MGAT4C: variants seen among roughly 807,000 people sequenced by gnomAD.
The protein encoded by MGAT4C is alpha-1,3-mannosyl-glycoprotein 4-beta-N-acetylglucosaminyltransferase C.
In MGAT4C, 19 loss-of-function variants were observed where a neutral mutation model predicts 40.1. The ratio of observed to expected loss-of-function variants is 0.47; its 90% CI spans 0.33 to 0.70. The LOEUF is 0.70. Ranked by LOEUF, MGAT4C falls within the 30% of genes least tolerant of loss-of-function variation. MGAT4C has a pLI of 0.02. For synonymous variants in MGAT4C, 181 were observed against 187.1 expected (o/e 0.97, Z 0.27); for missense variants, 491 against 563.2 (o/e 0.87, Z 1.30).
intron 1 of MGAT4C, among the ~76,000 whole-genome samples, chr12:86,164,247 A>G (rs771204228): frequency 2.0e-5 from 3 of 152,192 alleles, no homozygotes; most frequent in Non-Finnish European, 4.4e-5. Context: ...CTGAAGTTTA[A>G]TCTATGGGCT....
intron 2 of MGAT4C, among the ~76,000 whole-genome samples, chr12:86,469,085 A>G (rs751705085): frequency 6.6e-6 from 1 of 152,026 alleles, no homozygotes; most frequent in Non-Finnish European, 1.5e-5. Flanking sequence ...TCTTTGATGT[A>G]TCCTATGGCC....
chr12:86,672,682 T>A (rs1375162047), intron 2 of MGAT4C, among the ~76,000 whole-genome samples: 4 of 152,136 alleles, frequency 2.6e-5, no homozygotes, highest in African/African-American at 7.2e-5. Flanking sequence ...CTGCTTGTTC[T>A]CATGTATAAG....
Position 85,981,591 on chromosome 12 carries a change from A to G in MGAT4C, c.296-1161T>C, listed in dbSNP as rs1884609915. 1.3e-5 allele frequency among the ~76,000 whole-genome samples: 2 copies of G among 152,188 alleles called. 1 individual carries two copies. Among genetic ancestry groups the G allele is most frequent in the South Asian group, 4.1e-4 (2 of 4,828 alleles). ...CACCAAACTTCATTAATAATAGCCA[A>G]TGCTTATGGAATGCTGTCTACATAA... On this transcript the variant is annotated intron_variant, in intron 4 of 4. Transcript: ENST00000611864.
intron 4 of MGAT4C, among the ~76,000 whole-genome samples, chr12:86,281,095 T>C (rs1006861909): frequency 9.9e-5 from 15 of 152,076 alleles, no homozygotes; most frequent in Non-Finnish European, 2.1e-4. Flanking sequence ...TTTGGTTGCA[T>C]ACATTTTTGT....
chr12:86,502,877 A>C (rs1156369146), intron 2 of MGAT4C, among the ~76,000 whole-genome samples: 1 of 88,572 alleles, frequency 1.1e-5, no homozygotes, highest in Non-Finnish European at 2.1e-5. Context: ...ATATATATAT[A>C]TATGAGTTCT....
intron 1 of MGAT4C, among the ~76,000 whole-genome samples, chr12:86,054,654 T>C (rs1340772720): frequency 3.3e-5 from 5 of 151,894 alleles, no homozygotes; most frequent in Non-Finnish European, 5.9e-5. Flanking sequence ...TAAAACATCA[T>C]GTTTTACAAG....
intron 1 of MGAT4C, among the ~76,000 whole-genome samples, chr12:86,241,575 T>C (rs1013503902): frequency 6.6e-6 from 1 of 152,186 alleles, no homozygotes; most frequent in East Asian, 1.9e-4. Flanking sequence ...TCTGACATTT[T>C]TGTAGATTGG....
intron 2 of MGAT4C, among the ~76,000 whole-genome samples, chr12:86,010,203 G>A (rs2136814787): frequency 6.6e-6 from 1 of 152,270 alleles, no homozygotes; most frequent in East Asian, 1.9e-4. Flanking sequence ...GTAAGTCACA[G>A]ACTATTATTT....
chr12:86,263,157 G>A (rs1952695723), intron 4 of MGAT4C, among the ~76,000 whole-genome samples: 1 of 152,014 alleles, frequency 6.6e-6, no homozygotes, highest in Non-Finnish European at 1.5e-5. Context: ...GGTCTAGATT[G>A]GAAGAGCCAA....
chr12:86,433,565 C>CT (rs1348436158), intron 3 of MGAT4C, among the ~76,000 whole-genome samples: 2 of 151,788 alleles, frequency 1.3e-5, no homozygotes, highest in African/African-American at 2.4e-5. Context: ...TAGTTAATGA[C>CT]TTTTTTTCCC....
rs150284418 is a variant in MGAT4C, at chr12:86,198,524, G to T, written c.-57+57715C>A. Among the ~76,000 whole-genome samples, 533 of 151,858 alleles carry T rather than the reference G, an allele frequency of 3.5e-3. 3 individuals are homozygous for T. Among genetic ancestry groups the T allele is most frequent in the African/African-American group, 0.012 (511 of 41,388 alleles). On this transcript the variant is annotated intron_variant, in intron 1 of 4. Transcript: ENST00000611864. Reference sequence around the variant, plus strand: ...TGTTTTTCTCGCATTTTCATTGTTCGCATGCATAGAAATTGCTTCCTATTC... The same window carrying T: ...TGTTTTTCTCGCATTTTCATTGTTCTCATGCATAGAAATTGCTTCCTATTC...
At chr12:86,539,710 A>G (rs1959139242) in intron 2 of MGAT4C, among the ~76,000 whole-genome samples, 1 of 152,178 alleles carries the variant, frequency 6.6e-6, no homozygotes, top group Admixed American at 6.5e-5. Flanking sequence ...AATGATAGCC[A>G]TTCTAACTGG....
At chr12:86,541,610 T>G (rs548873500) in intron 2 of MGAT4C, among the ~76,000 whole-genome samples, 1 of 152,328 alleles carries the variant, frequency 6.6e-6, no homozygotes, top group East Asian at 1.9e-4. Context: ...AACTAAAGAA[T>G]TATGAAAAAC....
chr12:86,708,686 C>G (rs2136627703), intron 2 of MGAT4C, among the ~76,000 whole-genome samples: 1 of 152,298 alleles, frequency 6.6e-6, no homozygotes, highest in African/African-American at 2.4e-5. Context: ...GCTCTTGCAT[C>G]AGCATGAGCT....
intron 2 of MGAT4C, among the ~76,000 whole-genome samples, chr12:86,543,529 T>C (rs1959178479): frequency 6.6e-6 from 1 of 152,106 alleles, no homozygotes; most frequent in Non-Finnish European, 1.5e-5. Flanking sequence ...ACATATCTAC[T>C]ATGTTCCAGG....
chr12:86,494,457 T>C (rs1177698411), intron 2 of MGAT4C, among the ~76,000 whole-genome samples: 1 of 151,906 alleles, frequency 6.6e-6, no homozygotes, highest in Non-Finnish European at 1.5e-5. Context: ...ACTCCTATTT[T>C]TATCAAACTA....
At chr12:86,443,205 T>TACACACAC (rs199586329) in intron 2 of MGAT4C, among the ~76,000 whole-genome samples, 35 of 150,414 alleles carry the variant, frequency 2.3e-4, no homozygotes, top group African/African-American at 8.5e-4. Context: ...TGTATATATA[T>TACACACAC]ACACACACAC....
At chr12:86,478,786 T>C (rs889837763) in intron 2 of MGAT4C, among the ~76,000 whole-genome samples, 3 of 152,066 alleles carry the variant, frequency 2.0e-5, no homozygotes, top group Non-Finnish European at 2.9e-5. Context: ...TTAATAACCA[T>C]TTTAAAGAAA....
At chr12:86,599,543 TG>T (rs1961683100) in intron 2 of MGAT4C, 1 of 152,162 alleles carries the variant, frequency 6.6e-6, no homozygotes, top group Admixed American at 6.5e-5. Context: ...GAAATAAGTA[TG>T]GTTGCTACTT....
Sources: gnomAD v4.1 joint callset for allele counts (sites outside exome capture counted in the v4.1 genomes callset) on GRCh38, gnomAD v4.1.1 for gene constraint, MANE v1.5 for transcripts, NCBI Gene and HGNC (gene_info 2026-07-23, HGNC 2026-07-21) for gene names.